GALNS: variants seen among roughly 807,000 people sequenced by gnomAD.
GALNS encodes the protein N-acetylgalactosamine-6-sulfatase.
In GALNS, 65 loss-of-function variants were observed where a neutral mutation model predicts 65.9. The ratio of observed to expected loss-of-function variants is 0.99; its 90% CI spans 0.81 to 1.21. The LOEUF is 1.21. Ranked by LOEUF, GALNS falls within the 50% of genes most tolerant of loss-of-function variation. GALNS has a pLI of 0.00. For synonymous variants in GALNS, 346 were observed against 288.9 expected (o/e 1.20, Z -2.00); for missense variants, 776 against 700.7 (o/e 1.11, Z -1.21).
intron 8 of GALNS, among the ~76,000 whole-genome samples, chr16:88,832,359 G>C (rs928287281): frequency 1.3e-5 from 2 of 152,180 alleles, no homozygotes; most frequent in African/African-American, 4.8e-5. Context: ...GTGTCAGCAA[G>C]ACTCAGAGAG....
chr16:88,841,139 C>T, intron 3 of GALNS, 45 bp from the exon 4 acceptor site: 1 of 1,458,944 alleles, frequency 6.9e-7, no homozygotes, highest in Non-Finnish European at 9.6e-7. Context: ...CCCCGAGAAG[C>T]TGCCACCAAC....
intron 1 of GALNS, chr16:88,843,117 G>T: frequency 6.2e-6 from 9 of 1,463,118 alleles, no homozygotes; most frequent in Non-Finnish European, 8.2e-6. Flanking sequence ...TGGTCTTCAG[G>T]TGGGGAATGT....
chr16:88,836,371 TA>T, intron 5 of GALNS, 104 bp from the exon 6 acceptor site: 1 of 969,854 alleles, frequency 1.0e-6, no homozygotes, highest in East Asian at 2.6e-5. Context: ...AAAAGAAGGC[TA>T]GGGCTGGGCG....
chr16:88,831,114 G>A (rs576763806), intron 9 of GALNS, among the ~76,000 whole-genome samples: 5 of 152,110 alleles, frequency 3.3e-5, no homozygotes, highest in South Asian at 4.2e-4. Flanking sequence ...GGCAGTATAC[G>A]TGGCTCCAGT....
intron 8 of GALNS, 28 bp downstream of exon 8, chr16:88,835,185 A>G (rs771274051): frequency 1.2e-5 from 18 of 1,559,344 alleles, no homozygotes; most frequent in Non-Finnish European, 1.6e-5. Flanking sequence ...CTGTGGGGAA[A>G]CCGTGAGAAG....
intron 1 of GALNS, among the ~76,000 whole-genome samples, chr16:88,854,484 G>A (rs906595793): frequency 1.3e-5 from 2 of 152,220 alleles, no homozygotes; most frequent in African/African-American, 2.4e-5. Context: ...TCTCTGCTGG[G>A]TCCAGGCAGA....
chr16:88,843,532 C>G (rs1056902849), intron 1 of GALNS: 1 of 274,226 alleles, frequency 3.6e-6, no homozygotes, highest in South Asian at 3.8e-5. Flanking sequence ...AAGATGAGGT[C>G]ACGCTGGGCC....
At chr16:88,814,660 C>A in intron 13 of GALNS, 135 bp from the exon 14 acceptor site, 2 of 1,393,236 alleles carry the variant, frequency 1.4e-6, no homozygotes, top group Non-Finnish European at 2.0e-6. Context: ...GTGGCGCGAT[C>A]TTGGCTCACT....
At chr16:88,828,574 A>C (rs1193003730) in intron 9 of GALNS, among the ~76,000 whole-genome samples, 1 of 152,214 alleles carries the variant, frequency 6.6e-6, no homozygotes, top group African/African-American at 2.4e-5. Flanking sequence ...ATTCAATTTC[A>C]CTTTGTGGCC....
chr16:88,853,998 G>A (rs898649208), intron 1 of GALNS, among the ~76,000 whole-genome samples: 1 of 152,206 alleles, frequency 6.6e-6, no homozygotes, highest in South Asian at 2.1e-4. Flanking sequence ...GCTAGTTTTG[G>A]GGACAACCCT....
intron 9 of GALNS, among the ~76,000 whole-genome samples, chr16:88,827,860 G>GCCAT (rs1911094168): frequency 6.6e-6 from 1 of 152,220 alleles, no homozygotes; most frequent in Non-Finnish European, 1.5e-5. Context: ...GGCAGGGACC[G>GCCAT]CCATCCGCTG....
intron 1 of GALNS, chr16:88,855,950 AC>A: frequency 1.7e-6 from 1 of 575,440 alleles, no homozygotes; most frequent in Non-Finnish European, 3.1e-6. Flanking sequence ...GACAGGTGTA[AC>A]CCCCCAGGTG....
At chr16:88,816,911 G>A (rs554127152) in intron 13 of GALNS, 69 of 985,464 alleles carry the variant, frequency 7.0e-5, no homozygotes, top group Middle Eastern at 5.2e-4. Context: ...CGCCCAGCCC[G>A]TGTAAACAGG....
chr16:88,820,721 G>A lies in GALNS; in HGVS notation c.1364+1868C>T, dbSNP rs142062791. ...CCTGGCTGGAGGGGCTCCAGCAAAC[G>A]CAACAGGCGGGGAGCAGTGGCCCTG... On this transcript the variant is annotated intron_variant, in intron 12 of 13. Coordinates refer to ENST00000268695, the MANE Select transcript of GALNS (RefSeq NM_000512.5). Among the ~76,000 whole-genome samples, 105 of 152,350 alleles carry A rather than the reference G, an allele frequency of 6.9e-4. No homozygotes were observed. The East Asian group carries it at 0.019, about 28-fold the overall frequency.
intron 12 of GALNS, among the ~76,000 whole-genome samples, chr16:88,818,788 C>T (rs2142985120): frequency 6.6e-6 from 1 of 152,382 alleles, no homozygotes; most frequent in African/African-American, 2.4e-5. Flanking sequence ...CTAATATCGA[C>T]AACATCCACA....
At chr16:88,842,510 C>T in intron 2 of GALNS, 196 bp downstream of exon 2, 1 of 660,714 alleles carries the variant, frequency 1.5e-6, no homozygotes, top group South Asian at 2.0e-5. Flanking sequence ...GAAAACCCAG[C>T]AGGTGCCGCA....
intron 1 of GALNS, among the ~76,000 whole-genome samples, chr16:88,848,724 CAG>C (rs1567543110): frequency 6.6e-6 from 1 of 152,156 alleles, no homozygotes. Flanking sequence ...TGTGAAGTGA[CAG>C]GGGTCTGAAC....
At chr16:88,852,279 G>A (rs1382737116) in intron 1 of GALNS, among the ~76,000 whole-genome samples, 1 of 152,232 alleles carries the variant, frequency 6.6e-6, no homozygotes, top group Non-Finnish European at 1.5e-5. Context: ...CAACAGACCT[G>A]CAGCTGAGGG....
intron 11 of GALNS, among the ~76,000 whole-genome samples, chr16:88,824,394 A>G (rs901361968): frequency 3.3e-5 from 5 of 151,994 alleles, no homozygotes; most frequent in African/African-American, 9.7e-5. Flanking sequence ...TGCGGCCCCC[A>G]TGTAGCACCT....
Sources: allele counts gnomAD v4.1 joint callset (sites outside exome capture counted in the v4.1 genomes callset), GRCh38; gene constraint gnomAD v4.1.1; transcripts MANE v1.5; gene names NCBI Gene and HGNC (gene_info 2026-07-23, HGNC 2026-07-21).